Variants in NEDD4L observed in about 807,000 individuals in gnomAD.
NEDD4L encodes E3 ubiquitin-protein ligase NEDD4-like.
Under a neutral mutation model 148.9 loss-of-function variants are expected in NEDD4L, and 54 were observed. That is an observed-to-expected ratio of 0.36 (90% CI 0.29 to 0.45). The LOEUF is 0.45. Ranked by LOEUF, NEDD4L falls within the 20% of genes least tolerant of loss-of-function variation. The pLI is 1.00. For missense variants in NEDD4L, 856 were observed against 1,233.8 expected (o/e 0.69, Z 4.59); for synonymous variants, 433 against 440.7 (o/e 0.98, Z 0.22).
At chr18:58,228,182 A>G (rs1390464672) in intron 2 of NEDD4L, among the ~76,000 whole-genome samples, 1 of 152,230 alleles carries the variant, frequency 6.6e-6, no homozygotes, top group Non-Finnish European at 1.5e-5. Context: ...AATGTGATGC[A>G]CACAAGTGAC....
At chr18:58,137,041 G>A (rs982662312) in intron 1 of NEDD4L, among the ~76,000 whole-genome samples, 1 of 152,182 alleles carries the variant, frequency 6.6e-6, no homozygotes, top group African/African-American at 2.4e-5. Context: ...GAATCCAAGG[G>A]TAATACGATA....
At chr18:58,174,309 TG>T (rs974720641) in intron 2 of NEDD4L, among the ~76,000 whole-genome samples, 1 of 151,928 alleles carries the variant, frequency 6.6e-6, no homozygotes, top group Admixed American at 6.6e-5. Flanking sequence ...TAAAAGGCAT[TG>T]TTCAGAAAGA....
chr18:58,268,119 A>T (rs982414763), intron 5 of NEDD4L, among the ~76,000 whole-genome samples: 1 of 151,972 alleles, frequency 6.6e-6, no homozygotes, highest in Non-Finnish European at 1.5e-5. Context: ...CAACCCCCCA[A>T]TGGGGTTCAG....
In NEDD4L at chr18:58,396,871, A is replaced by G. The variant is rs924119604; in HGVS notation, c.*602A>G. The G allele has an allele frequency of 2.6e-5, 4 of 152,598 alleles. No homozygotes were observed. The highest frequency in any genetic ancestry group is 4.8e-5 in the African/African-American group (2 of 41,436). The allele number at this position is 152,598 out of a possible 1,614,324, so 9.5% of individuals were successfully genotyped here. The stretch of plus-strand genomic sequence containing the variant: ...GACAAGTACTTTGAGAGAATTTCCA[A>G]TATAATATTAGACATAATGATAATT... On this transcript the variant is annotated 3_prime_UTR_variant, in exon 31 of 31. Transcript: ENST00000400345.
chr18:58,106,496 A>C (rs1056749533), intron 1 of NEDD4L, among the ~76,000 whole-genome samples: 2 of 152,180 alleles, frequency 1.3e-5, no homozygotes, highest in African/African-American at 2.4e-5. Context: ...TGCAGTGGTC[A>C]AAAGGCTGCC....
chr18:58,275,593 C>T (rs1018166893), intron 5 of NEDD4L, among the ~76,000 whole-genome samples: 5 of 152,168 alleles, frequency 3.3e-5, no homozygotes, highest in African/African-American at 4.8e-5. Context: ...GAGTCTGATA[C>T]GAGGCCTTCT....
chr18:58,259,162 G>A (rs1170167178), intron 5 of NEDD4L, among the ~76,000 whole-genome samples: 1 of 152,086 alleles, frequency 6.6e-6, no homozygotes, highest in Non-Finnish European at 1.5e-5. Context: ...ACTTTTATCT[G>A]TGCCTCCCAA....
At chr18:58,324,902 G>C in intron 8 of NEDD4L, 94 bp from the exon 9 acceptor site, 2 of 1,203,256 alleles carry the variant, frequency 1.7e-6, no homozygotes, top group Non-Finnish European at 2.3e-6. Flanking sequence ...GAGCCCCAGA[G>C]CAAGGAGAAG....
At chr18:58,174,738 G>C (rs1009284899) in intron 2 of NEDD4L, among the ~76,000 whole-genome samples, 1 of 152,038 alleles carries the variant, frequency 6.6e-6, no homozygotes, top group African/African-American at 2.4e-5. Context: ...TTGATCCCTG[G>C]GTAAATGTGG....
intron 5 of NEDD4L, among the ~76,000 whole-genome samples, chr18:58,294,253 G>A (rs2055204214): frequency 6.6e-6 from 1 of 152,158 alleles, no homozygotes. Context: ...CAAGATAAAT[G>A]AGAAGGTTTT....
chr18:58,345,923 G>GTTTTTTTTTTT (rs72089117), intron 16 of NEDD4L, among the ~76,000 whole-genome samples: 2 of 135,990 alleles, frequency 1.5e-5, no homozygotes, highest in Admixed American at 7.3e-5. Flanking sequence ...GTTGTTTTTT[G>GTTTTTTTTTTT]TTTTTTGTTT....
At chr18:58,222,205 C>T (rs1005713675) in intron 2 of NEDD4L, among the ~76,000 whole-genome samples, 1 of 152,076 alleles carries the variant, frequency 6.6e-6, no homozygotes, top group African/African-American at 2.4e-5. Context: ...TGTTCTGTTT[C>T]GAGTCTCAGT....
At position 58,367,812 on chromosome 18, in the gene NEDD4L, C is replaced by T; in HGVS notation, c.2130C>T (p.Phe710=). 6.2e-7 allele frequency: 1 copy of T among 1,613,842 alleles called. No homozygotes were observed. Among genetic ancestry groups the T allele is most frequent in the Non-Finnish European group, 8.5e-7 (1 of 1,179,746 alleles). ...GTAATGAGGATCATTTGTCCTACTT[C>T]ACTTTTATTGGAAGAGTTGCTGGTC... is the stretch of plus-strand genomic sequence containing the variant. ...GLCNEDHLSY[F]TFIGRVAGLA... Residue 710 remains phenylalanine, a synonymous_variant, in exon 22 of 31, where the codon TTC becomes TTT. Coordinates refer to ENST00000400345, the MANE Select transcript of NEDD4L (RefSeq NM_001144967.3).
chr18:58,133,062 G>A (rs766189159), intron 1 of NEDD4L, among the ~76,000 whole-genome samples: 6 of 152,170 alleles, frequency 3.9e-5, no homozygotes, highest in African/African-American at 4.8e-5. Flanking sequence ...TAAATGACTC[G>A]TCTTCTCTTA....
At chr18:58,333,954 G>T in intron 12 of NEDD4L, 62 bp downstream of exon 12, 2 of 1,065,846 alleles carry the variant, frequency 1.9e-6, no homozygotes, top group Non-Finnish European at 2.8e-6. Flanking sequence ...CAATCATCTG[G>T]GCTGCTGCAA....
At chr18:58,046,222 G>A (rs1474730698) in intron 1 of NEDD4L, 1 of 152,170 alleles carries the variant, frequency 6.6e-6, no homozygotes, top group Admixed American at 6.5e-5. Flanking sequence ...CTGGGGATAG[G>A]TGACAGTAGC....
chr18:58,266,948 G>A (rs1273070398), intron 5 of NEDD4L, among the ~76,000 whole-genome samples: 2 of 152,028 alleles, frequency 1.3e-5, no homozygotes, highest in Non-Finnish European at 2.9e-5. Context: ...AGAACAGATA[G>A]AAATGTTTTA....
chr18:58,111,714 A>G (rs529618027), intron 1 of NEDD4L, among the ~76,000 whole-genome samples: 28 of 152,212 alleles, frequency 1.8e-4, no homozygotes, highest in African/African-American at 6.0e-4. Flanking sequence ...ACCCCTGTAG[A>G]GTTTTGTTTA....
intron 25 of NEDD4L, among the ~76,000 whole-genome samples, chr18:58,384,963 C>T (rs2048814741): frequency 6.6e-6 from 1 of 152,198 alleles, no homozygotes; most frequent in Non-Finnish European, 1.5e-5. Flanking sequence ...GAGGTCTTAC[C>T]ATTCATCCTC....
Sources: allele counts gnomAD v4.1 joint callset (sites outside exome capture counted in the v4.1 genomes callset), GRCh38; gene constraint gnomAD v4.1.1; transcripts MANE v1.5; gene names NCBI Gene and HGNC (gene_info 2026-07-23, HGNC 2026-07-21).